TFAP2D: variants seen among roughly 807,000 people sequenced by gnomAD.
The protein encoded by TFAP2D is transcription factor AP-2 delta.
TFAP2D carries 9 observed loss-of-function variants against 43.6 expected under a neutral mutation model. The ratio of observed to expected loss-of-function variants is 0.21; its 90% CI spans 0.12 to 0.36. The LOEUF (loss-of-function observed/expected upper bound fraction) is 0.36. TFAP2D is among the 10% of genes least tolerant of loss of function. TFAP2D has a pLI of 1.00. For missense variants in TFAP2D, 513 were observed against 561.4 expected (o/e 0.91, Z 0.87); for synonymous variants, 256 against 224.9 (o/e 1.14, Z -1.24).
chr6:50,767,843 A>G (rs1458884781), intron 7 of TFAP2D, among the ~76,000 whole-genome samples: 1 of 152,228 alleles, frequency 6.6e-6, no homozygotes, highest in Non-Finnish European at 1.5e-5. Flanking sequence ...AACATTAAGA[A>G]AACTGATATG....
intron 7 of TFAP2D, among the ~76,000 whole-genome samples, chr6:50,756,223 T>C (rs1769263431): frequency 6.6e-6 from 1 of 151,982 alleles, no homozygotes; most frequent in Admixed American, 6.6e-5. Flanking sequence ...GATAGAACCA[T>C]TAGCTCAAGA....
intron 5 of TFAP2D, among the ~76,000 whole-genome samples, chr6:50,740,813 T>A (rs1769033368): frequency 6.6e-6 from 1 of 152,194 alleles, no homozygotes; most frequent in Non-Finnish European, 1.5e-5. Context: ...TAAAATGCAT[T>A]TAAACCTGCT....
chr6:50,715,370 G>T lies in TFAP2D; in HGVS notation c.294G>T (p.Ser98=), dbSNP rs572196392. The change falls in exon 2 of 8, where the codon TCG becomes TCT. Residue 98 remains serine (S), a synonymous_variant. Transcript: ENST00000008391. The part of the protein sequence containing the change: ...DAYSLNSLHH[S]QQYYQQIHHG... The stretch of plus-strand genomic sequence containing the variant: ...ACTCTCTGAACTCTCTCCACCACTC[G>T]CAACAGTACTACCAGCAGATCCACC... 2.5e-6 allele frequency: 4 copies of T among 1,613,980 alleles called. No individual in the cohort carries two copies. Among genetic ancestry groups the T allele is most frequent in the South Asian group, 1.1e-5 (1 of 91,060 alleles).
intron 7 of TFAP2D, among the ~76,000 whole-genome samples, chr6:50,765,232 A>C (rs1442041312): frequency 6.6e-6 from 1 of 152,168 alleles, no homozygotes; most frequent in African/African-American, 2.4e-5. Flanking sequence ...TTCCAGATTC[A>C]TTCATGTTGT....
rs748456278 is a variant in TFAP2D at position 50,745,267 on chromosome 6, C to T, written c.1025+19C>T. The T allele has an allele frequency of 1.2e-6, 2 of 1,610,426 alleles. No individual in the cohort carries two copies. Among genetic ancestry groups the T allele is most frequent in the Non-Finnish European group, 1.7e-6 (2 of 1,178,990 alleles). ...CGACCAAGTAAGCAGAATGGGGAAA[C>T]CTCTGTGTGCTTTCATCTTCAGTAT... is the stretch of plus-strand genomic sequence containing the variant. On this transcript the variant is annotated intron_variant, in intron 6 of 7. Coordinates refer to ENST00000008391, the MANE Select transcript of TFAP2D (RefSeq NM_172238.4).
At chr6:50,745,644 G>A (rs1421181445) in intron 6 of TFAP2D, among the ~76,000 whole-genome samples, 1 of 152,106 alleles carries the variant, frequency 6.6e-6, no homozygotes, top group Non-Finnish European at 1.5e-5. Flanking sequence ...AAATGTTTGG[G>A]GAATGTGACA....
intron 7 of TFAP2D, among the ~76,000 whole-genome samples, chr6:50,763,536 A>C (rs938888018): frequency 1.2e-4 from 18 of 152,272 alleles, no homozygotes; most frequent in African/African-American, 4.3e-4. Context: ...AAATACACTT[A>C]CTTTATTACA....
intron 3 of TFAP2D, among the ~76,000 whole-genome samples, chr6:50,720,538 C>T (rs1042096070): frequency 3.7e-5 from 5 of 134,674 alleles, no homozygotes; most frequent in Admixed American, 7.2e-5. Flanking sequence ...CACACACACA[C>T]ATATACGTGG....
chr6:50,742,314 G>T (rs1769056708), intron 5 of TFAP2D, among the ~76,000 whole-genome samples: 1 of 152,056 alleles, frequency 6.6e-6, no homozygotes, highest in African/African-American at 2.4e-5. Flanking sequence ...AGAACTGAGG[G>T]AAGGAAGGAT....
chr6:50,733,593 A>G (rs1315026838), intron 5 of TFAP2D, among the ~76,000 whole-genome samples: 1 of 152,114 alleles, frequency 6.6e-6, no homozygotes, highest in Admixed American at 6.6e-5. Flanking sequence ...TAGTTTTAAC[A>G]CCCTTGTTAT....
intron 6 of TFAP2D, among the ~76,000 whole-genome samples, chr6:50,749,342 T>G (rs1456506545): frequency 6.6e-6 from 1 of 151,818 alleles, no homozygotes; most frequent in African/African-American, 2.4e-5. Flanking sequence ...ACTTAAAAGT[T>G]TATTCCATTA....
chr6:50,733,986 A>ATGTGTGTG (rs34213110), intron 5 of TFAP2D, among the ~76,000 whole-genome samples: 77 of 141,668 alleles, frequency 5.4e-4, no homozygotes, highest in African/African-American at 1.8e-3. Context: ...CTTTCTGTGT[A>ATGTGTGTG]TGTGTGTGTG....
intron 3 of TFAP2D, among the ~76,000 whole-genome samples, chr6:50,727,890 T>C (rs898198435): frequency 6.6e-6 from 1 of 152,110 alleles, no homozygotes; most frequent in East Asian, 1.9e-4. Flanking sequence ...GGGGGAGGAA[T>C]TGGACAGTGG....
chr6:50,737,274 C>T (rs1768977272), intron 5 of TFAP2D, among the ~76,000 whole-genome samples: 1 of 152,148 alleles, frequency 6.6e-6, no homozygotes, highest in African/African-American at 2.4e-5. Flanking sequence ...CCATTGCTTA[C>T]ATTTATTGAA....
chr6:50,719,501 G>GAA (rs3835214), intron 3 of TFAP2D, among the ~76,000 whole-genome samples: 5 of 133,460 alleles, frequency 3.7e-5, no homozygotes, highest in East Asian at 2.2e-4. Context: ...AAGAAAGAAA[G>GAA]AAGTTTCTCA....
intron 7 of TFAP2D, among the ~76,000 whole-genome samples, chr6:50,765,417 G>T (rs1005556870): frequency 6.6e-6 from 1 of 152,198 alleles, no homozygotes; most frequent in Non-Finnish European, 1.5e-5. Context: ...TCATTCTAAT[G>T]TTTAAGTTTT....
intron 5 of TFAP2D, among the ~76,000 whole-genome samples, chr6:50,730,778 T>A (rs1318686834): frequency 6.6e-6 from 1 of 152,092 alleles, no homozygotes; most frequent in Non-Finnish European, 1.5e-5. Context: ...TCTGGGGTGA[T>A]GGCTTAGGCA....
intron 3 of TFAP2D, among the ~76,000 whole-genome samples, chr6:50,719,466 A>AAAGAAAGG (rs1768681905): frequency 7.4e-6 from 1 of 134,282 alleles, no homozygotes; most frequent in South Asian, 2.5e-4. Flanking sequence ...AGAAAGAAAG[A>AAAGAAAGG]AAGAAAGAAA....
intron 7 of TFAP2D, among the ~76,000 whole-genome samples, chr6:50,760,752 A>C (rs747030424): frequency 1.1e-4 from 17 of 151,998 alleles, no homozygotes; most frequent in Non-Finnish European, 2.4e-4. Flanking sequence ...ACCCAGTTAC[A>C]TGCCCCATGG....
Sources: gnomAD v4.1 joint callset for allele counts (sites outside exome capture counted in the v4.1 genomes callset) on GRCh38, gnomAD v4.1.1 for gene constraint, MANE v1.5 for transcripts, NCBI Gene and HGNC (gene_info 2026-07-23, HGNC 2026-07-21) for gene names.